SPON1: variants seen among roughly 807,000 people sequenced by gnomAD.
SPON1 encodes spondin 1.
Under a neutral mutation model 111.7 loss-of-function variants are expected in SPON1, and 52 were observed. The observed-to-expected ratio is 0.47, with a 90% CI of 0.37 to 0.59. The LOEUF is 0.59. Ranked by LOEUF, SPON1 falls within the 20% of genes least tolerant of loss-of-function variation. The pLI is 0.00. For synonymous variants in SPON1, 410 were observed against 395.8 expected, an observed-to-expected ratio of 1.04 and a Z score of -0.43; for missense variants, 957 against 1,068.5, an observed-to-expected ratio of 0.90 and a Z score of 1.46.
At chr11:14,044,909 A>G (rs1360820004) in intron 3 of SPON1, among the ~76,000 whole-genome samples, 6 of 152,164 alleles carry the variant, frequency 3.9e-5, no homozygotes, top group Non-Finnish European at 7.3e-5. Context: ...CTGCATGTCT[A>G]TGGTATGGAT....
At position 14,260,637 on chromosome 11, in the gene SPON1, C is replaced by T. The variant is rs782519188; in HGVS notation, c.1881C>T (p.Ser627=). The change falls in exon 14 of 16, where the codon AGC becomes AGT. Residue 627 remains serine (S), a synonymous_variant. Transcript: ENST00000576479. Reference sequence around the variant, plus strand: ...CATGGTCCGAGTGGAGTGACTGCAGCGTGACCTGCGGGAAGGGCATGCGAA... The same window carrying T: ...CATGGTCCGAGTGGAGTGACTGCAGTGTGACCTGCGGGAAGGGCATGCGAA... ...LSPWSEWSDC[S]VTCGKGMRTR... The T allele has an allele frequency of 5.6e-6, 9 of 1,613,944 alleles. No homozygotes were observed. Among genetic ancestry groups the T allele is most frequent in the Admixed American group, 1.7e-5 (1 of 60,006 alleles).
chr11:13,968,594 C>A lies in SPON1; in HGVS notation c.238+5452C>A, dbSNP rs553086897. Among the ~76,000 whole-genome samples the A allele has an allele frequency of 2.6e-5, 4 of 152,226 alleles. No homozygotes were observed. The South Asian group carries it at 8.3e-4, about 32-fold the overall frequency. On this transcript the variant is annotated intron_variant, in intron 1 of 15. Coordinates refer to ENST00000576479, the MANE Select transcript of SPON1 (RefSeq NM_006108.4). ...CTATTTTCACTTATGTTAATGGATA[C>A]CTGGTAACAAAATTAATTTCACCCA...
At chr11:14,146,956 T>C (rs1312359842) in intron 6 of SPON1, among the ~76,000 whole-genome samples, 2 of 142,386 alleles carry the variant, frequency 1.4e-5, no homozygotes, top group Admixed American at 1.4e-4. Flanking sequence ...TCCAAATATA[T>C]CAAAAATTTA....
intron 3 of SPON1, among the ~76,000 whole-genome samples, chr11:14,049,291 A>G (rs1312727769): frequency 2.0e-5 from 3 of 152,068 alleles, no homozygotes; most frequent in Non-Finnish European, 2.9e-5. Flanking sequence ...ACTGCTCTAC[A>G]TTCATTGCCT....
intron 1 of SPON1, among the ~76,000 whole-genome samples, chr11:13,974,866 A>G (rs949981885): frequency 1.3e-5 from 2 of 152,106 alleles, no homozygotes; most frequent in Non-Finnish European, 2.9e-5. Context: ...CTTCCTCACC[A>G]AGCCTTTTAT....
chr11:14,193,414 C>T lies in SPON1; in HGVS notation c.826-49918C>T, dbSNP rs561796022. Among the ~76,000 whole-genome samples the T allele has an allele frequency of 1.6e-4, 24 of 152,292 alleles. No individual in the cohort carries two copies. In the South Asian group the frequency reaches 2.7e-3, roughly 17 times the overall value. ...ACTGACAGCTTGTGAAGGTGTATAA[C>T]GCCCAGGAGGAGTTGTGGTAAACGT... On this transcript the variant is annotated intron_variant, in intron 6 of 15. Transcript: ENST00000576479.
At chr11:14,225,348 T>A (rs1475337147) in intron 6 of SPON1, among the ~76,000 whole-genome samples, 1 of 152,140 alleles carries the variant, frequency 6.6e-6, no homozygotes, top group East Asian at 1.9e-4. Context: ...TACGGAAAAA[T>A]TTATTATAAA....
chr11:14,133,812 A>G (rs1179865162), intron 5 of SPON1, among the ~76,000 whole-genome samples: 1 of 152,192 alleles, frequency 6.6e-6, no homozygotes, highest in East Asian at 1.9e-4. Flanking sequence ...AAGGATAAAC[A>G]TGGGGTCTGC....
intron 6 of SPON1, among the ~76,000 whole-genome samples, chr11:14,171,121 T>C (rs1848094017): frequency 6.6e-6 from 1 of 152,336 alleles, no homozygotes; most frequent in South Asian, 2.1e-4. Flanking sequence ...ATCTATCTGG[T>C]CCTGGACTTT....
At chr11:14,092,779 A>C (rs1849069741) in intron 5 of SPON1, among the ~76,000 whole-genome samples, 1 of 152,160 alleles carries the variant, frequency 6.6e-6, no homozygotes, top group Non-Finnish European at 1.5e-5. Context: ...AACGCATTTT[A>C]ACTTATCATG....
intron 6 of SPON1, among the ~76,000 whole-genome samples, chr11:14,172,005 G>T (rs1848107738): frequency 6.7e-6 from 1 of 150,170 alleles, no homozygotes; most frequent in Non-Finnish European, 1.5e-5. Context: ...ATGTCTATTA[G>T]GTCCACTTGG....
intron 2 of SPON1, among the ~76,000 whole-genome samples, chr11:13,997,149 G>GAGCTCT (rs1848279674): frequency 6.6e-6 from 1 of 152,134 alleles, no homozygotes; most frequent in African/African-American, 2.4e-5. Flanking sequence ...ATGTATATAT[G>GAGCTCT]AGCTCTATTT....
At chr11:14,229,077 G>A (rs1266756150) in intron 6 of SPON1, among the ~76,000 whole-genome samples, 3 of 152,178 alleles carry the variant, frequency 2.0e-5, no homozygotes, top group Non-Finnish European at 4.4e-5. Context: ...TATCTCCGTG[G>A]TGTGACAATC....
At chr11:14,150,768 T>C (rs1351402110) in intron 6 of SPON1, among the ~76,000 whole-genome samples, 2 of 152,174 alleles carry the variant, frequency 1.3e-5, no homozygotes, top group Non-Finnish European at 2.9e-5. Flanking sequence ...TCCACTACAG[T>C]GCAACTAAGG....
chr11:14,243,192 G>A (rs1188444732), intron 6 of SPON1, 140 bp from the exon 7 acceptor site: 1 of 745,582 alleles, frequency 1.3e-6, no homozygotes, highest in Non-Finnish European at 2.3e-6. Flanking sequence ...CCATCCCAGA[G>A]AGAGGTGGCT....
intron 5 of SPON1, among the ~76,000 whole-genome samples, chr11:14,109,732 G>C (rs554552877): frequency 1.3e-5 from 2 of 152,116 alleles, no homozygotes; most frequent in Admixed American, 6.5e-5. Context: ...ACTACCCTTT[G>C]TTCATTTCAT....
intron 14 of SPON1, among the ~76,000 whole-genome samples, chr11:14,261,459 ACCTCTGTT>A: frequency 6.6e-6 from 1 of 152,294 alleles, no homozygotes; most frequent in African/African-American, 2.4e-5. Flanking sequence ...ATGACTCAGC[ACCTCTGTT>A]CCTCAGTTTC....
At chr11:14,147,361 G>A (rs10832199) in intron 6 of SPON1, among the ~76,000 whole-genome samples, 57,101 of 151,584 alleles carry the variant, frequency 0.38, 11,187 homozygotes, top group East Asian at 0.55. Context: ...CTAGAACAAA[G>A]CTTCTTCCAA....
chr11:14,158,005 T>C (rs1276985817), intron 6 of SPON1, among the ~76,000 whole-genome samples: 3 of 152,136 alleles, frequency 2.0e-5, no homozygotes, highest in Non-Finnish European at 4.4e-5. Context: ...TGTTTTTCCC[T>C]TGCTTCAGTT....
Sources: allele counts gnomAD v4.1 joint callset (sites outside exome capture counted in the v4.1 genomes callset), GRCh38; gene constraint gnomAD v4.1.1; transcripts MANE v1.5; gene names NCBI Gene and HGNC (gene_info 2026-07-23, HGNC 2026-07-21).